Variants in EIF5B observed in about 807,000 individuals in gnomAD.
EIF5B encodes eIF-5B.
In EIF5B, 47 loss-of-function variants were observed where a neutral mutation model predicts 147.5. That is an observed-to-expected ratio of 0.32 (90% confidence interval 0.25 to 0.41). The LOEUF is 0.41. EIF5B is among the 10% of genes least tolerant of loss of function. The probability of loss-of-function intolerance (pLI) is 1.00; values close to 1 mark genes in which losing one functional copy is unlikely to be tolerated. For synonymous variants in EIF5B, 455 were observed against 456.2 expected (o/e 1.00, Z 0.03); for missense variants, 1,064 against 1,413.2 (o/e 0.75, Z 3.96).
At chr2:99,352,281 C>T (rs1322372913) in intron 1 of EIF5B, among the ~76,000 whole-genome samples, 3 of 151,602 alleles carry the variant, frequency 2.0e-5, no homozygotes, top group East Asian at 2.0e-4. Flanking sequence ...CTGCAACCTC[C>T]GCCTCCTGGG....
chr2:99,338,993 A>AATATATATATATACAGATATAT (rs11272483), intron 1 of EIF5B, among the ~76,000 whole-genome samples: 1 of 132,726 alleles, frequency 7.5e-6, no homozygotes, highest in Non-Finnish European at 1.6e-5. Context: ...TATATACACA[A>AATATATATATATACAGATATAT]ATATATATAT....
intron 1 of EIF5B, among the ~76,000 whole-genome samples, chr2:99,353,229 G>A (rs1228547597): frequency 2.0e-5 from 3 of 151,996 alleles, no homozygotes; most frequent in African/African-American, 7.3e-5. Flanking sequence ...TGGCCAGGCT[G>A]GTCTCAAACT....
In EIF5B at chr2:99,393,029, C is replaced by T; in HGVS notation, c.2811C>T (p.Asp937=). Residue 937 remains aspartate, a synonymous_variant, in exon 18 of 24, where the codon GAC becomes GAT. Coordinates refer to ENST00000289371, the MANE Select transcript of EIF5B (RefSeq NM_015904.4). ...AGGGGGTAAAGATTCTTGGAAAAGA[C>T]CTGGAGAAAACATTGGCTGGTTTAC... ...AAQGVKILGK[D]LEKTLAGLPL... is the part of the protein sequence containing the mutation. The T allele has an allele frequency of 6.3e-7, 1 of 1,591,676 alleles. No individual in the cohort carries two copies. Among genetic ancestry groups the T allele is most frequent in the East Asian group, 2.3e-5 (1 of 43,412 alleles).
chr2:99,376,396 G>A lies in EIF5B; in HGVS notation c.1602G>A (p.Glu534=). The change falls in exon 10 of 24, where the codon GAG becomes GAA. Residue 534 remains glutamate (E), a synonymous_variant. Transcript: ENST00000289371. ...AAGTAAAAGAAAACCCTGAAGAGGA[G>A]GAGGAGGAGGAAGAAGAGGAAGAAG... The part of the protein sequence containing the change: ...HIEVKENPEE[E]EEEEEEEEED... 6.5e-7 allele frequency: 1 copy of A among 1,545,412 alleles called. No homozygotes were observed. The highest frequency in any genetic ancestry group is 8.9e-7 in the Non-Finnish European group (1 of 1,126,176).
chr2:99,398,544 C>T (rs990028117), intron 22 of EIF5B: 2 of 481,930 alleles, frequency 4.1e-6, no homozygotes, highest in Non-Finnish European at 7.4e-6. Context: ...TCCTGTCATT[C>T]TTACAACCAT....
rs1674457369 is a variant in EIF5B, at chr2:99,371,825, T to C, written c.1552+95T>C. 4.2e-6 allele frequency: 5 copies of C among 1,184,380 alleles called. 1 individual carries two copies. In the South Asian group the frequency reaches 7.8e-5, roughly 19 times the overall value. 73.4% of individuals were successfully genotyped at this position (1,184,380 alleles called of 1,614,324 possible). Reference sequence around the variant, plus strand: ...AATAGTCTTTTGATTATGAAAGCCATATGAACATTTCTGGGGATAGGGATA... The same window carrying C: ...AATAGTCTTTTGATTATGAAAGCCACATGAACATTTCTGGGGATAGGGATA... On this transcript the variant is annotated intron_variant, in intron 9 of 23. Coordinates refer to ENST00000289371, the MANE Select transcript of EIF5B (RefSeq NM_015904.4).
At chr2:99,371,588 C>G (rs1282746009) in intron 8 of EIF5B, 68 bp from the exon 9 acceptor site, 1 of 1,363,652 alleles carries the variant, frequency 7.3e-7, no homozygotes, top group Non-Finnish European at 9.9e-7. Context: ...TAATTTTTTA[C>G]TTTTTTCTAA....
chr2:99,337,494 G>T lies in EIF5B; in HGVS notation c.-61G>T. 6.3e-7 allele frequency: 1 copy of T among 1,589,374 alleles called. No individual in the cohort carries two copies. The highest frequency in any genetic ancestry group is 1.1e-5 in the South Asian group (1 of 88,094). On this transcript the variant is annotated 5_prime_UTR_variant, in exon 1 of 24. Coordinates refer to ENST00000289371, the MANE Select transcript of EIF5B (RefSeq NM_015904.4). ...GAGCGGAGACCAAAGTCAGCCGGGAGACAGTGGGTCTGTGAGAGACCGAAT... is the reference window on the plus strand; with the variant it reads ...GAGCGGAGACCAAAGTCAGCCGGGATACAGTGGGTCTGTGAGAGACCGAAT...
At position 99,337,408 on chromosome 2, in the gene EIF5B, C is replaced by A. The variant is rs2032630862; in HGVS notation, c.-147C>A. ...GAACTCACACCATATGTGTCCTGTT[C>A]CAGTGCGCGGGTCTGTGGAGAGCCG... On this transcript the variant is annotated 5_prime_UTR_variant, in exon 1 of 24. Transcript: ENST00000289371. The A allele has an allele frequency of 1.8e-5, 17 of 970,468 alleles. 1 individual carries two copies. In the South Asian group the frequency reaches 2.4e-4, roughly 14 times the overall value. 60.1% of individuals were successfully genotyped at this position (970,468 alleles called of 1,614,324 possible). A position where few individuals can be genotyped will look rare whatever the true frequency, so the allele number is the denominator to read the frequency against.
At chr2:99,391,238 A>T (rs935391786) in intron 17 of EIF5B, among the ~76,000 whole-genome samples, 3 of 152,252 alleles carry the variant, frequency 2.0e-5, no homozygotes, top group Non-Finnish European at 4.4e-5. Context: ...GTGGATCATC[A>T]TAATGGTCCT....
chr2:99,350,658 C>A (rs1217379962), intron 1 of EIF5B, among the ~76,000 whole-genome samples: 2 of 151,994 alleles, frequency 1.3e-5, no homozygotes, highest in Non-Finnish European at 2.9e-5. Flanking sequence ...TGGATATTAA[C>A]CCCTTGTTAG....
chr2:99,386,628 C>T (rs1307135947), intron 14 of EIF5B, among the ~76,000 whole-genome samples: 1 of 148,562 alleles, frequency 6.7e-6, no homozygotes, highest in African/African-American at 2.5e-5. Flanking sequence ...CTCCCAGGCT[C>T]AAGCGATTCT....
intron 15 of EIF5B, among the ~76,000 whole-genome samples, 166 bp downstream of exon 15, chr2:99,390,015 ATACTT>A (rs1203344706): frequency 6.6e-6 from 1 of 152,064 alleles, no homozygotes; most frequent in Non-Finnish European, 1.5e-5. Flanking sequence ...TGCAGTCTGA[ATACTT>A]TAATTTAGAA....
At chr2:99,375,711 G>C (rs544102673) in intron 9 of EIF5B, among the ~76,000 whole-genome samples, 5 of 152,252 alleles carry the variant, frequency 3.3e-5, no homozygotes, top group African/African-American at 9.6e-5. Context: ...AGGTTTTACT[G>C]TTAAGTGACA....
intron 1 of EIF5B, among the ~76,000 whole-genome samples, chr2:99,353,002 C>CTTTTTTTTTTTTTT (rs1559245418): frequency 1.6e-5 from 1 of 64,226 alleles, no homozygotes; most frequent in Non-Finnish European, 3.4e-5. Flanking sequence ...TTTTCTTCTT[C>CTTTTTTTTTTTTTT]TTCTTTTTTT....
intron 1 of EIF5B, among the ~76,000 whole-genome samples, chr2:99,359,326 G>T (rs916825314): frequency 6.6e-6 from 1 of 151,300 alleles, no homozygotes; most frequent in Non-Finnish European, 1.5e-5. Flanking sequence ...CCGAGATCAC[G>T]CCACTGCACT....
intron 6 of EIF5B, among the ~76,000 whole-genome samples, chr2:99,365,395 A>G (rs192898893): frequency 2.3e-4 from 35 of 152,320 alleles, no homozygotes; most frequent in Admixed American, 2.3e-3. Context: ...ATGTTCAGCT[A>G]GGAACATTAG....
At position 99,401,205 on chromosome 2, in the gene EIF5B, A is replaced by G. The variant is rs1423035648; in HGVS notation, c.*1791A>G. On this transcript the variant is annotated 3_prime_UTR_variant, in exon 24 of 24. Coordinates refer to ENST00000289371, the MANE Select transcript of EIF5B (RefSeq NM_015904.4). The stretch of plus-strand genomic sequence containing the variant: ...CAAATACCTCACAAGCACTTATGGC[A>G]CAGCTATCAGAGAGCATCAGGCTCT... 1 of 1,295,742 alleles carries G rather than the reference A, an allele frequency of 7.7e-7. No homozygotes were observed. The highest frequency in any genetic ancestry group is 1.2e-5 in the South Asian group (1 of 84,124). The allele number at this position is 1,295,742 out of a possible 1,614,324, so 80.3% of individuals were successfully genotyped here.
At chr2:99,342,467 GTTAAT>G (rs1223520131) in intron 1 of EIF5B, among the ~76,000 whole-genome samples, 12 of 152,006 alleles carry the variant, frequency 7.9e-5, no homozygotes, top group Non-Finnish European at 1.2e-4. Flanking sequence ...CATTTAGTTG[GTTAAT>G]TTAATTCTAT....
Sources: allele counts gnomAD v4.1 joint callset (sites outside exome capture counted in the v4.1 genomes callset), GRCh38; gene constraint gnomAD v4.1.1; transcripts MANE v1.5; gene names NCBI Gene and HGNC (gene_info 2026-07-23, HGNC 2026-07-21).